Variants in ACSM3 observed in about 807,000 individuals in gnomAD.
ACSM3 encodes acyl-CoA synthetase medium chain family member 3, also known as acyl-coenzyme A synthetase ACSM3, mitochondrial.
ACSM3 carries 61 observed loss-of-function variants against 74.1 expected under a neutral mutation model. That is an observed-to-expected ratio of 0.82 (90% CI 0.67 to 1.02). ACSM3 has a LOEUF of 1.02. ACSM3 is among the 50% of genes least tolerant of loss of function. The pLI is 0.00. For synonymous variants in ACSM3, 213 were observed against 241.5 expected (o/e 0.88, Z 1.09); for missense variants, 660 against 697.0 (o/e 0.95, Z 0.60).
At chr16:20,750,737 T>C (rs2079982756) in intron 2 of ACSM3, among the ~76,000 whole-genome samples, 3 of 152,246 alleles carry the variant, frequency 2.0e-5, no homozygotes, top group Admixed American at 2.0e-4. Context: ...TCACTATTCT[T>C]GTTACAACTT....
Position 20,776,002 on chromosome 16 carries a change from C to G in ACSM3, c.383C>G (p.Pro128Arg), listed in dbSNP as rs773235465. 5 of 1,614,110 alleles carry G rather than the reference C, an allele frequency of 3.1e-6. No homozygotes were observed. In the Admixed American group the frequency reaches 5.0e-5, roughly 16 times the overall value. ...GGAGATCGGGTAATTCTGATTCTGC[C>G]CAGGGTCCCAGAGTGGTGGCTTGCA... ...QRGDRVILIL[P>R]RVPEWWLANV... Residue 128 changes from proline to arginine, a missense_variant, in exon 3 of 14, where the codon CCC becomes CGC. Physicochemically the swap from Pro to Arg is moderately radical, Grantham distance 103. Transcript: ENST00000289416.
chr16:20,793,092 C>CA (rs2080638130), intron 12 of ACSM3, among the ~76,000 whole-genome samples: 1 of 152,204 alleles, frequency 6.6e-6, no homozygotes, highest in South Asian at 2.1e-4. Flanking sequence ...CTCCTTATCT[C>CA]AAATCCTAGG....
intron 1 of ACSM3, among the ~76,000 whole-genome samples, chr16:20,723,301 G>T (rs528287983): frequency 1.3e-5 from 2 of 152,084 alleles, no homozygotes; most frequent in East Asian, 3.9e-4. Flanking sequence ...CATTTGGGTT[G>T]GTTCCAAGTC....
intron 1 of ACSM3, among the ~76,000 whole-genome samples, chr16:20,767,757 C>T (rs2080143673): frequency 6.6e-6 from 1 of 152,192 alleles, no homozygotes; most frequent in Admixed American, 6.6e-5. Flanking sequence ...GTAGAACTTA[C>T]ATCACAGTGC....
At chr16:20,725,898 G>A (rs1269498963) in intron 1 of ACSM3, among the ~76,000 whole-genome samples, 10 of 152,048 alleles carry the variant, frequency 6.6e-5, no homozygotes, top group Admixed American at 2.0e-4. Context: ...GCTTGAACCC[G>A]GAAGGTGGAG....
chr16:20,719,576 C>A (rs1328915037), intron 1 of ACSM3, among the ~76,000 whole-genome samples: 1 of 152,172 alleles, frequency 6.6e-6, no homozygotes, highest in Non-Finnish European at 1.5e-5. Flanking sequence ...GGGGAAACAA[C>A]TGCAACACTC....
intron 1 of ACSM3, among the ~76,000 whole-genome samples, chr16:20,685,801 C>T (rs1259234783): frequency 7.8e-6 from 1 of 127,558 alleles, no homozygotes; most frequent in Non-Finnish European, 1.6e-5. Flanking sequence ...GCCTGGATGA[C>T]ACAGTGAGAC....
intron 9 of ACSM3, chr16:20,789,607 A>C (rs1486257418): frequency 2.3e-6 from 3 of 1,329,914 alleles, no homozygotes; most frequent in Non-Finnish European, 3.3e-6. Flanking sequence ...TATCAAGAGG[A>C]AAAGATAATC....
chr16:20,790,941 A>C lies in ACSM3; in HGVS notation c.1326+253A>C. 1 of 1,613,534 alleles carries C rather than the reference A, an allele frequency of 6.2e-7. No homozygotes were observed. The highest frequency in any genetic ancestry group is 8.5e-7 in the Non-Finnish European group (1 of 1,179,728). On this transcript the variant is annotated intron_variant, in intron 10 of 13. Transcript: ENST00000289416. The surrounding 1 kb of genome is among the most constrained non-coding windows in gnomAD (Gnocchi z 4.0). ...GGCAAGAGGAAGGGACCCTAGAAAG[A>C]GGACAGCCTCTTAACATCCCCTGAT... is the stretch of plus-strand genomic sequence containing the variant.
At chr16:20,694,235 T>C (rs2152343498) in intron 1 of ACSM3, among the ~76,000 whole-genome samples, 1 of 152,340 alleles carries the variant, frequency 6.6e-6, no homozygotes, top group African/African-American at 2.4e-5. Flanking sequence ...TTCCAGCCAG[T>C]GGAAACCGGA....
At position 20,792,281 on chromosome 16, in the gene ACSM3, C is replaced by G; in HGVS notation, c.1500C>G (p.His500Gln). 6.2e-7 allele frequency: 1 copy of G among 1,614,098 alleles called. No individual in the cohort carries two copies. Among genetic ancestry groups the G allele is most frequent in the African/African-American group, 1.3e-5 (1 of 75,038 alleles). The change falls in exon 12 of 14, where the codon CAC becomes CAG. Residue 500 changes from histidine (H) to glutamine (Q), a missense_variant. By Grantham distance (24) the His-to-Gln change is conservative (BLOSUM62 0). Coordinates refer to ENST00000289416, the MANE Select transcript of ACSM3 (RefSeq NM_005622.4). ...AGGTAGAAAATGCCCTGAATGAACA[C>G]CCTTCAGTTGCAGAGTCAGCTGTTG... ...PFEVENALNE[H>Q]PSVAESAVVS...
intron 1 of ACSM3, among the ~76,000 whole-genome samples, chr16:20,742,645 A>G (rs2079937260): frequency 6.6e-6 from 1 of 150,718 alleles, no homozygotes; most frequent in Non-Finnish European, 1.5e-5. Context: ...CTGTCTCAAA[A>G]AAAAAAAAAA....
chr16:20,788,510 C>A (rs1266825501), intron 9 of ACSM3, among the ~76,000 whole-genome samples: 1 of 152,178 alleles, frequency 6.6e-6, no homozygotes. Flanking sequence ...ATTTTTAACT[C>A]TTTTCCACGG....
intron 1 of ACSM3, among the ~76,000 whole-genome samples, chr16:20,733,506 TATTA>T (rs1164789013): frequency 6.6e-6 from 1 of 152,062 alleles, no homozygotes; most frequent in East Asian, 1.9e-4. Context: ...GATTTAGAAG[TATTA>T]ATTATTCAAG....
rs2080333559 is a variant in ACSM3, at chr16:20,780,735, C to G, written c.660C>G (p.Thr220=). Residue 220 remains threonine (T), a synonymous_variant, in exon 5 of 14, where the codon ACC becomes ACG. Transcript: ENST00000289416. The part of the protein sequence containing the change: ...ELMKHASDSH[T]CVKTKHNEIM... Reference sequence around the variant, plus strand: ...GCAGACATGCCAGTGACAGCCACACCTGTGTGAAGACAAAACACAATGAGA... The same window carrying G: ...GCAGACATGCCAGTGACAGCCACACGTGTGTGAAGACAAAACACAATGAGA... The G allele has an allele frequency of 1.9e-6, 3 of 1,614,038 alleles. No individual in the cohort carries two copies. The highest frequency in any genetic ancestry group is 1.7e-5 in the Admixed American group (1 of 59,994).
In ACSM3 at chr16:20,792,024, C is replaced by A; in HGVS notation, c.1349C>A (p.Ser450Ter). ...CAGGATAATCCTTCAAAAACAGCTT[C>A]AACTCTACGAGGCAATTTCTATATC... is the stretch of plus-strand genomic sequence containing the variant. Reference protein sequence around the residue: ...HYVDNPSKTASTLRGNFYITG... With the variant: ...HYVDNPSKTA The change falls in exon 11 of 14, where the codon TCA becomes TAA. Residue 450 changes from serine to a stop codon, truncating the protein, a stop_gained. Transcript: ENST00000289416. LOFTEE classifies it high-confidence loss of function. The A allele has an allele frequency of 1.2e-6, 2 of 1,614,004 alleles. No individual in the cohort carries two copies. The highest frequency in any genetic ancestry group is 1.7e-6 in the Non-Finnish European group (2 of 1,179,958).
At chr16:20,697,537 C>A (rs2079696050) in intron 1 of ACSM3, 1 of 144,682 alleles carries the variant, frequency 6.9e-6, no homozygotes, top group Non-Finnish European at 1.5e-5. Flanking sequence ...AGTAGCATTG[C>A]CAGAACTTAA....
rs148817848 is a variant in ACSM3 at position 20,718,918 on chromosome 16, G to A, written c.-189-30992G>A. On this transcript the variant is annotated intron_variant, in intron 1 of 3. Transcript: ENST00000561584. ...CACCTAAAATAAGAGCAGAGGTCTG[G>A]TCTCTTGCTCACTGCTGTAGAACAG... is the stretch of plus-strand genomic sequence containing the variant. Among the ~76,000 whole-genome samples, 571 of 152,272 alleles carry A rather than the reference G, an allele frequency of 3.7e-3. 2 individuals are homozygous for A. Among genetic ancestry groups the A allele is most frequent in the Middle Eastern group, 6.8e-3 (2 of 294 alleles).
chr16:20,795,019 AT>A (rs1267301559), intron 12 of ACSM3, among the ~76,000 whole-genome samples: 2 of 152,238 alleles, frequency 1.3e-5, no homozygotes, highest in Admixed American at 1.3e-4. Flanking sequence ...AACAAGCATA[AT>A]TTTTTAATTT....
Sources: gnomAD v4.1 joint callset for allele counts (sites outside exome capture counted in the v4.1 genomes callset) on GRCh38, gnomAD v4.1.1 for gene constraint, Gnocchi (gnomAD v3.1) non-coding constraint, MANE v1.5 for transcripts, NCBI Gene and HGNC (gene_info 2026-07-23, HGNC 2026-07-21) for gene names.